Variants in SPAG6 observed in about 807,000 individuals in gnomAD.
SPAG6 encodes the protein sperm associated antigen 6.
In SPAG6, 49 loss-of-function variants were observed where a neutral mutation model predicts 58.5. The observed-to-expected ratio is 0.84, with a 90% confidence interval of 0.67 to 1.06. The LOEUF (loss-of-function observed/expected upper bound fraction) is 1.06, where lower values mean the gene tolerates loss of function less well. Among genes scored for constraint, SPAG6 ranks in the 50% least tolerant of loss-of-function variants. The pLI is 0.00. For missense variants in SPAG6, 560 were observed against 611.3 expected, an observed-to-expected ratio of 0.92 and a Z score of 0.89; for synonymous variants, 233 against 225.6, an observed-to-expected ratio of 1.03 and a Z score of -0.29.
At chr10:22,358,450 T>G (rs1308090850) in intron 2 of SPAG6, among the ~76,000 whole-genome samples, 1 of 152,108 alleles carries the variant, frequency 6.6e-6, no homozygotes, top group Non-Finnish European at 1.5e-5. Flanking sequence ...CTTGTAAATT[T>G]GTTTGAGTTC....
At chr10:22,369,279 C>T (rs941740611) in intron 4 of SPAG6, among the ~76,000 whole-genome samples, 1 of 152,104 alleles carries the variant, frequency 6.6e-6, no homozygotes, top group African/African-American at 2.4e-5. Flanking sequence ...AAGAGGGGAC[C>T]TGGGCCTCTT....
chr10:22,355,433 A>T (rs961768743), intron 2 of SPAG6, among the ~76,000 whole-genome samples: 1 of 152,208 alleles, frequency 6.6e-6, no homozygotes, highest in African/African-American at 2.4e-5. Flanking sequence ...GTAGTCCTTT[A>T]CTCACAAACA....
intron 2 of SPAG6, among the ~76,000 whole-genome samples, chr10:22,360,465 C>CA (rs758460726): frequency 0.086 from 4,687 of 54,800 alleles, 113 homozygotes; most frequent in Admixed American, 0.15. Context: ...AACCATGTCA[C>CA]AAAAAAAAAA....
At chr10:22,397,705 A>G (rs1047759041) in intron 8 of SPAG6, among the ~76,000 whole-genome samples, 2 of 152,216 alleles carry the variant, frequency 1.3e-5, no homozygotes, top group African/African-American at 4.8e-5. Flanking sequence ...CAAGCATTAA[A>G]TACATATAAA....
chr10:22,374,119 T>C (rs1017250322), intron 4 of SPAG6, among the ~76,000 whole-genome samples: 1 of 152,220 alleles, frequency 6.6e-6, no homozygotes, highest in Non-Finnish European at 1.5e-5. Context: ...TAATTTTTTT[T>C]AACTTAGAAT....
At position 22,411,058 on chromosome 10, in the gene SPAG6, C is replaced by T. The variant is rs751438393; in HGVS notation, c.1342C>T (p.Arg448Ter). Residue 448 changes from arginine (R) to a stop codon, truncating the protein, a stop_gained, in exon 10 of 11, where the codon CGA becomes TGA. Coordinates refer to ENST00000376624, the MANE Select transcript of SPAG6 (RefSeq NM_012443.4). LOFTEE classifies it high-confidence loss of function. ...KVLPHDSKAR[R>*]LFVTSGGLKK... ...GCTGCCGCATGATAGCAAAGCTCGA[C>T]GACTTTTTGTAACAAGTGGTGGCCT... is the stretch of plus-strand genomic sequence containing the variant. 5.3e-5 allele frequency: 85 copies of T among 1,613,878 alleles called. No individual in the cohort carries two copies. Among genetic ancestry groups the T allele is most frequent in the Non-Finnish European group, 6.6e-5 (78 of 1,179,966 alleles).
At chr10:22,400,218 G>T (rs1040304818) in intron 8 of SPAG6, among the ~76,000 whole-genome samples, 1 of 152,146 alleles carries the variant, frequency 6.6e-6, no homozygotes, top group Non-Finnish European at 1.5e-5. Context: ...ACCAGGTTGG[G>T]TAAGGCCTCA....
chr10:22,345,606 G>A lies in SPAG6; in HGVS notation c.-6G>A. On this transcript the variant is annotated 5_prime_UTR_variant, in exon 1 of 11. Transcript: ENST00000376624. The surrounding 1 kb of genome is among the most constrained non-coding windows in gnomAD (Gnocchi z 6.3). ...CTCGAGGAGGGCAGACGGCGGCGGG[G>A]GCGCCATGAGTCAGAGGCAGGTGCT... 3 of 1,528,358 alleles carry A rather than the reference G, an allele frequency of 2.0e-6. No individual in the cohort carries two copies. The highest frequency in any genetic ancestry group is 2.6e-6 in the Non-Finnish European group (3 of 1,139,618). 94.7% of individuals were successfully genotyped at this position (1,528,358 alleles called of 1,614,324 possible).
intron 4 of SPAG6, among the ~76,000 whole-genome samples, chr10:22,369,737 G>T (rs1002863047): frequency 6.6e-6 from 1 of 152,172 alleles, no homozygotes; most frequent in Admixed American, 6.5e-5. Flanking sequence ...AAAGCACTTA[G>T]GTCGGTGCTT....
chr10:22,371,884 TTGGGGC>T (rs1260077530), intron 4 of SPAG6, among the ~76,000 whole-genome samples: 2 of 152,104 alleles, frequency 1.3e-5, no homozygotes, highest in African/African-American at 2.4e-5. Flanking sequence ...CAAAGGGAAC[TTGGGGC>T]TGACAACCAG....
chr10:22,397,557 C>A (rs753286687), intron 8 of SPAG6, among the ~76,000 whole-genome samples: 2 of 152,170 alleles, frequency 1.3e-5, no homozygotes, highest in Non-Finnish European at 2.9e-5. Context: ...CTCAAATGAT[C>A]CACCTGCCTC....
intron 3 of SPAG6, among the ~76,000 whole-genome samples, chr10:22,368,013 A>T (rs1224261941): frequency 1.3e-5 from 2 of 152,212 alleles, no homozygotes; most frequent in African/African-American, 2.4e-5. Flanking sequence ...AGAATAATTT[A>T]GGACACCAGA....
intron 8 of SPAG6, among the ~76,000 whole-genome samples, chr10:22,398,984 A>G (rs935570108): frequency 6.6e-6 from 1 of 151,892 alleles, no homozygotes; most frequent in Non-Finnish European, 1.5e-5. Flanking sequence ...ATACCTGGCT[A>G]ATTTTTGTAT....
At chr10:22,359,636 G>A (rs1836977049) in intron 2 of SPAG6, among the ~76,000 whole-genome samples, 1 of 152,132 alleles carries the variant, frequency 6.6e-6, no homozygotes, top group African/African-American at 2.4e-5. Flanking sequence ...CACTGTAAAT[G>A]TACTCAATGC....
At chr10:22,362,774 T>C (rs1164343934) in intron 2 of SPAG6, among the ~76,000 whole-genome samples, 1 of 151,868 alleles carries the variant, frequency 6.6e-6, no homozygotes, top group East Asian at 1.9e-4. Context: ...TGCTCGACGA[T>C]AATGACAATA....
chr10:22,414,814 T>A (rs1292149550), intron 10 of SPAG6, among the ~76,000 whole-genome samples: 1 of 152,232 alleles, frequency 6.6e-6, no homozygotes, highest in Non-Finnish European at 1.5e-5. Context: ...TTGCCCAGAC[T>A]GGAGTTCAAT....
chr10:22,382,419 C>CA (rs981299802), intron 4 of SPAG6, among the ~76,000 whole-genome samples: 18 of 150,296 alleles, frequency 1.2e-4, no homozygotes, highest in Non-Finnish European at 2.2e-4. Context: ...AGTTTGCAGT[C>CA]AAAAAAAAGG....
intron 4 of SPAG6, among the ~76,000 whole-genome samples, chr10:22,381,236 G>A (rs1302737550): frequency 1.3e-5 from 2 of 151,948 alleles, no homozygotes; most frequent in African/African-American, 4.8e-5. Flanking sequence ...TAAGATTTAA[G>A]CCTATGGTTG....
intron 9 of SPAG6, among the ~76,000 whole-genome samples, chr10:22,405,731 C>T (rs536890352): frequency 2.0e-5 from 3 of 152,252 alleles, no homozygotes; most frequent in East Asian, 1.9e-4. Flanking sequence ...CCTCCTTGTA[C>T]GTCTGGTAGA....
Sources: allele counts gnomAD v4.1 joint callset (sites outside exome capture counted in the v4.1 genomes callset), GRCh38; gene constraint gnomAD v4.1.1; non-coding constraint Gnocchi (gnomAD v3.1); transcripts MANE v1.5; gene names NCBI Gene and HGNC (gene_info 2026-07-23, HGNC 2026-07-21).